Variants in TRIP11 observed in about 807,000 individuals in gnomAD.
TRIP11 encodes the protein thyroid receptor-interacting protein 11.
Under a neutral mutation model 223.1 loss-of-function variants are expected in TRIP11, and 148 were observed. The observed-to-expected ratio is 0.66, with a 90% CI of 0.58 to 0.76. The LOEUF is 0.76. Among genes scored for constraint, TRIP11 ranks in the 30% least tolerant of loss-of-function variants. TRIP11 has a pLI of 0.00. For synonymous variants in TRIP11, 762 were observed against 772.6 expected, an observed-to-expected ratio of 0.99 and a Z score of 0.23; for missense variants, 2,043 against 2,222.0, an observed-to-expected ratio of 0.92 and a Z score of 1.62.
At chr14:92,032,605 C>G (rs59344331) in intron 2 of TRIP11, among the ~76,000 whole-genome samples, 69 of 152,012 alleles carry the variant, frequency 4.5e-4, no homozygotes, top group Admixed American at 1.3e-3. Context: ...GAGGCTAAGG[C>G]GGGTGAATCA....
rs756485228 is a variant in TRIP11, at chr14:92,004,661, C to G, written c.3315G>C (p.Leu1105Phe). The G allele has an allele frequency of 6.2e-6, 10 of 1,614,076 alleles. No homozygotes were observed. In the East Asian group the frequency reaches 2.2e-4, roughly 36 times the overall value. ...AMEREKVFAV[L>F]NEKTRENSHL... ...GGCTATTTTCCCTAGTCTTCTCATT[C>G]AAAACAGCAAATACCTTTTCTCTTT... Residue 1105 changes from leucine (L) to phenylalanine (F), a missense_variant, in exon 11 of 21, where the codon TTG (leucine) becomes TTC (phenylalanine). Leu to Phe is a conservative substitution (Grantham distance 22). Coordinates refer to ENST00000267622, the MANE Select transcript of TRIP11 (RefSeq NM_004239.4).
chr14:92,039,191 G>C (rs536695915), intron 1 of TRIP11, among the ~76,000 whole-genome samples: 16 of 152,296 alleles, frequency 1.1e-4, no homozygotes, highest in Non-Finnish European at 2.1e-4. Flanking sequence ...AACTGGGTCA[G>C]AATACAGGAA....
intron 15 of TRIP11, among the ~76,000 whole-genome samples, chr14:91,991,575 C>T (rs1595376372): frequency 6.6e-6 from 1 of 152,040 alleles, no homozygotes; most frequent in Admixed American, 6.6e-5. Flanking sequence ...TGAAGTTGAC[C>T]ATATATGTCC....
Position 92,039,674 on chromosome 14 carries a change from C to T in TRIP11, c.12G>A (p.Trp4Ter), listed in dbSNP as rs1353050434. 2.5e-5 allele frequency: 41 copies of T among 1,612,288 alleles called. No homozygotes were observed. Among genetic ancestry groups the T allele is most frequent in the Non-Finnish European group, 3.5e-5 (41 of 1,179,282 alleles). The change falls in exon 1 of 21, where the codon TGG becomes TGA. Residue 4 changes from tryptophan (W) to a stop codon, truncating the protein, a stop_gained. Transcript: ENST00000267622. LOFTEE classifies it high-confidence loss of function. The part of the protein sequence containing the change: MSS[W>*]LGGLGSGLGQ... Reference sequence around the variant, plus strand: ...CCAATCCGGAGCCGAGGCCCCCAAGCCAGGACGACATCGCGGCGAGTTTAG... The same window carrying T: ...CCAATCCGGAGCCGAGGCCCCCAAGTCAGGACGACATCGCGGCGAGTTTAG...
At chr14:92,024,251 G>A (rs924443899) in intron 3 of TRIP11, among the ~76,000 whole-genome samples, 32 of 151,830 alleles carry the variant, frequency 2.1e-4, no homozygotes, top group African/African-American at 7.5e-4. Context: ...GGTAGTGCAT[G>A]CCTGTAATCC....
rs2056873255 is a variant in TRIP11, at chr14:92,004,593, G to A, written c.3383C>T (p.Ala1128Val). The A allele has an allele frequency of 6.2e-7, 1 of 1,613,836 alleles. No individual in the cohort carries two copies. Among genetic ancestry groups the A allele is most frequent in the Non-Finnish European group, 8.5e-7 (1 of 1,180,008 alleles). ...EYHKMMDIVA[A>V]KEAALIKLQD... ...CAGTTTGATAAGAGCTGCTTCCTTG[G>A]CAGCAACAATATCCATCATTTTGTG... The change falls in exon 11 of 21, where the codon GCC (alanine) becomes GTC (valine). Residue 1128 changes from alanine (A) to valine (V), a missense_variant. Ala to Val is a moderately conservative substitution (Grantham distance 64, BLOSUM62 0). Coordinates refer to ENST00000267622, the MANE Select transcript of TRIP11 (RefSeq NM_004239.4).
chr14:92,002,922 C>T (rs1337885741), intron 11 of TRIP11, among the ~76,000 whole-genome samples: 1 of 152,034 alleles, frequency 6.6e-6, no homozygotes, highest in Non-Finnish European at 1.5e-5. Flanking sequence ...GTAATAAGAG[C>T]AATTTCTGGT....
Position 92,014,370 on chromosome 14 carries a change from C to T in TRIP11, c.1031G>A (p.Arg344Lys), listed in dbSNP as rs746735620. 4 of 1,613,750 alleles carry T rather than the reference C, an allele frequency of 2.5e-6. No individual in the cohort carries two copies. The highest frequency in any genetic ancestry group is 2.2e-5 in the East Asian group (1 of 44,860). ...REQEQLNVEKRQIMEECENLK... is the reference protein window; with the variant it reads ...REQEQLNVEKKQIMEECENLK... ...GTTTTCACATTCTTCCATTATTTGT[C>T]TCTTTTCCACATTTAGCTGTTCTTG... Residue 344 changes from arginine to lysine, a missense_variant, in exon 7 of 21, where the codon AGA (arginine) becomes AAA (lysine). Transcript: ENST00000267622.
In TRIP11 at chr14:92,003,436, A is replaced by C. The variant is rs1398816610; in HGVS notation, c.4540T>G (p.Leu1514Val). ...KEKALAFEQL[L>V]KEKEQGKTGE... ...GAACACACCTGTTCTTTCTCTTTCA[A>C]TAGCTGTTCAAAAGCAAGAGCCTTC... Residue 1514 changes from leucine (L) to valine (V), a missense_variant, in exon 11 of 21, where the codon TTG becomes GTG. Leu to Val is a conservative substitution (Grantham distance 32). Coordinates refer to ENST00000267622, the MANE Select transcript of TRIP11 (RefSeq NM_004239.4). 1 of 1,613,612 alleles carries C rather than the reference A, an allele frequency of 6.2e-7. No homozygotes were observed.
At chr14:92,029,976 T>A (rs1382132982) in intron 2 of TRIP11, among the ~76,000 whole-genome samples, 2 of 151,896 alleles carry the variant, frequency 1.3e-5, no homozygotes, top group Non-Finnish European at 2.9e-5. Context: ...GGCGGGCGGA[T>A]CACGAGGTCA....
intron 1 of TRIP11, among the ~76,000 whole-genome samples, chr14:92,038,040 A>G (rs2057342420): frequency 2.0e-5 from 3 of 152,192 alleles, no homozygotes; most frequent in East Asian, 1.9e-4. Flanking sequence ...ATAGGGATCT[A>G]AAGAATAAGG....
Position 92,021,497 on chromosome 14 carries a change from T to G in TRIP11, c.588+59A>C, listed in dbSNP as rs1374237269. 1.9e-6 allele frequency: 3 copies of G among 1,565,760 alleles called. No individual in the cohort carries two copies. In the East Asian group the frequency reaches 6.7e-5, roughly 35 times the overall value. The stretch of plus-strand genomic sequence containing the variant: ...ATCAAAAGCTCTACATACAGTTTTT[T>G]ATATTACACCAGTAATTTTACTCAA... On this transcript the variant is annotated intron_variant, in intron 4 of 20. Transcript: ENST00000267622.
At position 92,003,499 on chromosome 14, in the gene TRIP11, G is replaced by T. The variant is rs1178952320; in HGVS notation, c.4477C>A (p.Leu1493Met). ...TGGCACTCAAACTCTTTTTCTCGCA[G>T]CATCATAGAAAACTTCATGTTAGTC... Reference protein sequence around the residue: ...QETNMKFSMMLREKEFECHSM... With the variant: ...QETNMKFSMMMREKEFECHSM... Residue 1493 changes from leucine to methionine, a missense_variant, in exon 11 of 21, where the codon CTG (leucine) becomes ATG (methionine). Physicochemically the swap from Leu to Met is conservative, Grantham distance 15. Coordinates refer to ENST00000267622, the MANE Select transcript of TRIP11 (RefSeq NM_004239.4). 2 of 1,614,052 alleles carry T rather than the reference G, an allele frequency of 1.2e-6. No individual in the cohort carries two copies. Among genetic ancestry groups the T allele is most frequent in the Admixed American group, 3.3e-5 (2 of 60,012 alleles).
chr14:92,030,853 G>A (rs1427595759), intron 2 of TRIP11: 1 of 152,114 alleles, frequency 6.6e-6, no homozygotes, highest in Non-Finnish European at 1.5e-5. Flanking sequence ...ATAAATCTAA[G>A]AATAAACATG....
Position 92,003,794 on chromosome 14 carries a change from T to A in TRIP11, c.4182A>T (p.Glu1394Asp), listed in dbSNP as rs771927850. The change falls in exon 11 of 21, where the codon GAA (glutamate) becomes GAT (aspartate). Residue 1394 changes from glutamate to aspartate, a missense_variant. By Grantham distance (45) the Glu-to-Asp change is conservative. Transcript: ENST00000267622. ...ERKEHEQTDS[E>D]IKQLKEKQDV... ...CTTGTTTCTCCTTTAGCTGCTTGAT[T>A]TCTGAATCGGTTTGTTCGTGTTCTT... The A allele has an allele frequency of 1.1e-5, 17 of 1,614,084 alleles. No homozygotes were observed. In the East Asian group the frequency reaches 3.3e-4, roughly 32 times the overall value.
chr14:92,009,648 G>C lies in TRIP11; in HGVS notation c.1314+1338C>G, dbSNP rs1428891836. 2.6e-5 allele frequency among the ~76,000 whole-genome samples: 4 copies of C among 152,138 alleles called. No individual in the cohort carries two copies. The East Asian group carries it at 7.7e-4, about 29-fold the overall frequency. ...CACATAGTGGGTAGAAAGAGTGGCA[G>C]CAAGAATCCCACAATACACAGTGTA... On this transcript the variant is annotated intron_variant, in intron 9 of 20. Transcript: ENST00000267622.
At position 92,011,017 on chromosome 14, in the gene TRIP11, T is replaced by C; in HGVS notation, c.1283A>G (p.Glu428Gly). ...LKLKMRIEVL[E>G]KEKSLLSQEK... ...TTGACTCAGTAATGACTTCTCTTTT[T>C]CTAAAACTTCGATACGCATTTTAAG... The change falls in exon 9 of 21, where the codon GAA becomes GGA. Residue 428 changes from glutamate to glycine, a missense_variant. Coordinates refer to ENST00000267622, the MANE Select transcript of TRIP11 (RefSeq NM_004239.4). 1 of 1,614,074 alleles carries C rather than the reference T, an allele frequency of 6.2e-7. No individual in the cohort carries two copies. The highest frequency in any genetic ancestry group is 1.1e-5 in the South Asian group (1 of 91,082).
chr14:91,999,486 C>T, intron 12 of TRIP11, 53 bp from the exon 13 acceptor site: 1 of 1,555,240 alleles, frequency 6.4e-7, no homozygotes, highest in Non-Finnish European at 8.8e-7. Context: ...TCCACTGCTA[C>T]AAACCATTTT....
chr14:91,996,619 G>A (rs565962051), intron 13 of TRIP11, among the ~76,000 whole-genome samples: 2 of 152,292 alleles, frequency 1.3e-5, no homozygotes, highest in South Asian at 2.1e-4. Context: ...ACTCTAAGAT[G>A]TAATTTATCA....
Sources: allele counts gnomAD v4.1 joint callset (sites outside exome capture counted in the v4.1 genomes callset), GRCh38; gene constraint gnomAD v4.1.1; transcripts MANE v1.5; gene names NCBI Gene and HGNC (gene_info 2026-07-23, HGNC 2026-07-21).